Variants in WWC2 observed in about 807,000 individuals in gnomAD.
WWC2 encodes WW and C2 domain containing 2.
WWC2 carries 101 observed loss-of-function variants against 138.5 expected under a neutral mutation model. The ratio of observed to expected loss-of-function variants is 0.73; its 90% CI spans 0.62 to 0.86. The LOEUF is 0.86. Ranked by LOEUF, WWC2 falls within the 40% of genes least tolerant of loss-of-function variation. WWC2 has a pLI of 0.00. For missense variants in WWC2, 1,420 were observed against 1,419.4 expected, an observed-to-expected ratio of 1.00 and a Z score of -0.01; for synonymous variants, 558 against 538.4, an observed-to-expected ratio of 1.04 and a Z score of -0.50.
chr4:183,260,142 C>CT (rs1038671907), intron 10 of WWC2, among the ~76,000 whole-genome samples: 1 of 152,012 alleles, frequency 6.6e-6, no homozygotes, highest in African/African-American at 2.4e-5. Flanking sequence ...TGACTTCTTT[C>CT]TTTTTATAAG....
At chr4:183,312,597 T>C (rs1739294142) in intron 22 of WWC2, 129 bp downstream of exon 22, 1 of 1,355,784 alleles carries the variant, frequency 7.4e-7, no homozygotes, top group East Asian at 2.6e-5. Flanking sequence ...CTACCTTGAA[T>C]ATATAATTTT....
At chr4:183,133,139 C>G (rs944136341) in intron 1 of WWC2, among the ~76,000 whole-genome samples, 4 of 88,008 alleles carry the variant, frequency 4.5e-5, no homozygotes, top group African/African-American at 2.0e-4. Context: ...TCTTTTCTTT[C>G]TTTCTTTTTT....
At chr4:183,112,964 GTTAAAA>G in intron 1 of WWC2, among the ~76,000 whole-genome samples, 1 of 152,018 alleles carries the variant, frequency 6.6e-6, no homozygotes, top group East Asian at 1.9e-4. Flanking sequence ...ATTTAAACTA[GTTAAAA>G]TTAAGTTAGA....
chr4:183,242,686 G>A (rs947466405), intron 5 of WWC2, among the ~76,000 whole-genome samples: 2 of 152,174 alleles, frequency 1.3e-5, no homozygotes, highest in African/African-American at 4.8e-5. Flanking sequence ...GAGAAGGAAT[G>A]CAAGTGAACA....
At chr4:183,203,023 A>G (rs1735344288) in intron 2 of WWC2, among the ~76,000 whole-genome samples, 1 of 152,218 alleles carries the variant, frequency 6.6e-6, no homozygotes, top group South Asian at 2.1e-4. Context: ...AACCTGCTCA[A>G]GGTCACACAA....
chr4:183,122,213 C>A (rs368710625), intron 1 of WWC2, among the ~76,000 whole-genome samples: 22 of 152,066 alleles, frequency 1.4e-4, no homozygotes, highest in African/African-American at 5.3e-4. Context: ...ATCAGTGGGG[C>A]AAGAATGGAT....
intron 1 of WWC2, among the ~76,000 whole-genome samples, chr4:183,189,132 T>A (rs1322503222): frequency 1.3e-5 from 2 of 152,020 alleles, no homozygotes; most frequent in African/African-American, 2.4e-5. Flanking sequence ...TTTCCCTATC[T>A]AGTGATAGAT....
chr4:183,265,087 C>A lies in WWC2; in HGVS notation c.2019C>A (p.Val673=). ...AGTCTGTGGCTGGAGACAGTGGGGT[C>A]TATGAAGCTTTCGTGAAACAGTAAG... ...SDESVAGDSG[V]YEAFVKQPSE... is the part of the protein sequence containing the mutation. Residue 673 remains valine (V), a synonymous_variant, in exon 12 of 23, where the codon GTC becomes GTA. Coordinates refer to ENST00000403733, the MANE Select transcript of WWC2 (RefSeq NM_024949.6). 1 of 1,609,004 alleles carries A rather than the reference C, an allele frequency of 6.2e-7. No individual in the cohort carries two copies. Among genetic ancestry groups the A allele is most frequent in the Non-Finnish European group, 8.5e-7 (1 of 1,177,854 alleles).
chr4:183,263,814 C>T lies in WWC2; in HGVS notation c.1910-1164C>T, dbSNP rs369984417. 3.9e-5 allele frequency among the ~76,000 whole-genome samples: 6 copies of T among 152,160 alleles called. No homozygotes were observed. The East Asian group carries it at 5.8e-4, about 15-fold the overall frequency. ...GTCACCAGCACTTTTTTTCAGGGGA[C>T]GTCTGCCCTGCATGTGGGGTGGTGG... On this transcript the variant is annotated intron_variant, in intron 11 of 22. Coordinates refer to ENST00000403733, the MANE Select transcript of WWC2 (RefSeq NM_024949.6).
chr4:183,298,782 G>C (rs2095179394), intron 21 of WWC2, among the ~76,000 whole-genome samples: 1 of 152,174 alleles, frequency 6.6e-6, no homozygotes, highest in Non-Finnish European at 1.5e-5. Flanking sequence ...AGTCTAATGT[G>C]CTTTCAGTAT....
chr4:183,269,742 C>G, intron 15 of WWC2: 1 of 260,432 alleles, frequency 3.8e-6, no homozygotes, highest in Non-Finnish European at 7.8e-6. Flanking sequence ...CCTTATTCAC[C>G]TCATTCTCCT....
In WWC2 at chr4:183,315,647, C is replaced by A. The variant is rs767872043; in HGVS notation, c.3513-16C>A. On this transcript the variant is annotated splice_polypyrimidine_tract_variant and intron_variant, in intron 22 of 22. Coordinates refer to ENST00000403733, the MANE Select transcript of WWC2 (RefSeq NM_024949.6). ...GCATCATATATAAGTCAATTTATTT[C>A]TCACCCCAACTCTAGGGAGAAGATT... The A allele has an allele frequency of 6.2e-7, 1 of 1,605,776 alleles. No individual in the cohort carries two copies. Among genetic ancestry groups the A allele is most frequent in the Non-Finnish European group, 8.5e-7 (1 of 1,175,332 alleles).
intron 1 of WWC2, among the ~76,000 whole-genome samples, chr4:183,174,926 T>A (rs1734417482): frequency 6.6e-6 from 1 of 152,150 alleles, no homozygotes; most frequent in Non-Finnish European, 1.5e-5. Flanking sequence ...CATTTGAAGG[T>A]AAGGTACAGA....
chr4:183,208,587 C>T (rs947821978), intron 3 of WWC2, among the ~76,000 whole-genome samples: 2 of 152,082 alleles, frequency 1.3e-5, no homozygotes, highest in Admixed American at 1.3e-4. Flanking sequence ...TTGGAGCTGG[C>T]TTTGTTTAAA....
chr4:183,105,250 A>G (rs2152886211), intron 1 of WWC2, among the ~76,000 whole-genome samples: 1 of 152,348 alleles, frequency 6.6e-6, no homozygotes, highest in Non-Finnish European at 1.5e-5. Context: ...ATAGTCAGCC[A>G]TTGTGACATG....
chr4:183,147,426 A>G (rs1053974352), intron 1 of WWC2, among the ~76,000 whole-genome samples: 9 of 152,200 alleles, frequency 5.9e-5, no homozygotes, highest in African/African-American at 2.2e-4. Flanking sequence ...TCGCTGCACA[A>G]CAGGGTGAAG....
intron 1 of WWC2, among the ~76,000 whole-genome samples, chr4:183,154,396 A>G (rs1733737490): frequency 6.6e-6 from 1 of 152,168 alleles, no homozygotes; most frequent in Non-Finnish European, 1.5e-5. Context: ...AAGTTGTGAA[A>G]ACTGTATTTG....
At chr4:183,249,513 T>C (rs1160469277) in intron 7 of WWC2, among the ~76,000 whole-genome samples, 4 of 152,226 alleles carry the variant, frequency 2.6e-5, no homozygotes, top group Non-Finnish European at 4.4e-5. Context: ...TGAACTTATT[T>C]AGTTTATATT....
At chr4:183,116,369 C>T (rs770887860) in intron 1 of WWC2, among the ~76,000 whole-genome samples, 2 of 152,164 alleles carry the variant, frequency 1.3e-5, no homozygotes, top group Non-Finnish European at 2.9e-5. Flanking sequence ...TATTCCAATG[C>T]TCAGCTTTGT....
Sources: allele counts gnomAD v4.1 joint callset (sites outside exome capture counted in the v4.1 genomes callset), GRCh38; gene constraint gnomAD v4.1.1; transcripts MANE v1.5; gene names NCBI Gene and HGNC (gene_info 2026-07-23, HGNC 2026-07-21).